The following ISM1 variants were observed in gnomAD, a reference collection of about 807,000 sequenced individuals.
The protein encoded by ISM1 is isthmin 1.
ISM1 carries 25 observed loss-of-function variants against 46.3 expected under a neutral mutation model. The observed-to-expected ratio is 0.54, with a 90% confidence interval of 0.39 to 0.75. The LOEUF is 0.75. Ranked by LOEUF, ISM1 falls within the 30% of genes least tolerant of loss-of-function variation. ISM1 has a pLI of 0.00. For synonymous variants in ISM1, 255 were observed against 256.7 expected (o/e 0.99, Z 0.06); for missense variants, 536 against 625.4 (o/e 0.86, Z 1.52).
chr20:13,253,856 C>G (rs1009115217), intron 1 of ISM1, among the ~76,000 whole-genome samples: 2 of 142,936 alleles, frequency 1.4e-5, no homozygotes, highest in Non-Finnish European at 3.0e-5. Context: ...CATACACATC[C>G]ATATCCATAT....
At chr20:13,231,674 A>G (rs1426202435) in intron 1 of ISM1, among the ~76,000 whole-genome samples, 1 of 152,156 alleles carries the variant, frequency 6.6e-6, no homozygotes, top group Non-Finnish European at 1.5e-5. Flanking sequence ...AGTAAACCCA[A>G]TCATCTTGCA....
At chr20:13,315,969 C>T in the ISM1 span, among the ~76,000 whole-genome samples, 6 of 151,852 alleles carry the variant, frequency 4.0e-5, no homozygotes, top group Non-Finnish European at 1.5e-5. Flanking sequence ...ACACAACTTA[C>T]CAAAATTTGT....
chr20:13,320,060 C>T, the ISM1 span, among the ~76,000 whole-genome samples: 2 of 152,226 alleles, frequency 1.3e-5, no homozygotes, highest in Non-Finnish European at 2.9e-5. Context: ...AAGTCAGAAA[C>T]TGGGGTACAC....
At chr20:13,279,443 C>A (rs2040214073) in intron 2 of ISM1, among the ~76,000 whole-genome samples, 191 bp from the exon 3 acceptor site, 1 of 152,194 alleles carries the variant, frequency 6.6e-6, no homozygotes. Context: ...AAGCCATGTT[C>A]CATCTAGCCG....
the ISM1 span, among the ~76,000 whole-genome samples, chr20:13,317,739 G>C: frequency 1.4e-4 from 21 of 152,072 alleles, no homozygotes; most frequent in African/African-American, 5.1e-4. Context: ...GCATTCACAT[G>C]CAAAACAAAT....
intron 1 of ISM1, among the ~76,000 whole-genome samples, chr20:13,259,901 T>C (rs1473201280): frequency 6.6e-5 from 10 of 152,222 alleles, no homozygotes; most frequent in Non-Finnish European, 1.5e-4. Context: ...AAAGTTGTCT[T>C]AACAAGCCAT....
At chr20:13,292,278 G>A in intron 4 of ISM1, 96 bp from the exon 5 acceptor site, 1 of 743,986 alleles carries the variant, frequency 1.3e-6, no homozygotes, top group Non-Finnish European at 2.3e-6. Flanking sequence ...ATACAAAAAA[G>A]GCTTTGTTCA....
chr20:13,288,641 A>C lies in ISM1; in HGVS notation c.745A>C (p.Thr249Pro), dbSNP rs1162301285. The C allele has an allele frequency of 1.9e-6, 3 of 1,613,926 alleles. No homozygotes were observed. The highest frequency in any genetic ancestry group is 1.7e-6 in the Non-Finnish European group (2 of 1,179,896). ...GACCCGGTCTTGTGGCTACGCGTGC[A>C]CTGCAACAGAATCGAGGACCTGTGA... ...KRTRSCGYAC[T>P]ATESRTCDRP... The change falls in exon 4 of 6, where the codon ACT becomes CCT. Residue 249 changes from threonine to proline, a missense_variant. Thr to Pro is a conservative substitution (Grantham distance 38). Transcript: ENST00000262487.
intron 1 of ISM1, 63 bp from the exon 2 acceptor site, chr20:13,270,441 T>TA: frequency 6.5e-7 from 1 of 1,539,604 alleles, no homozygotes; most frequent in Non-Finnish European, 8.8e-7. Flanking sequence ...AATGGACTGT[T>TA]AAGGGTGACA....
intron 5 of ISM1, among the ~76,000 whole-genome samples, chr20:13,296,911 G>A (rs919347998): frequency 4.0e-5 from 6 of 151,852 alleles, no homozygotes; most frequent in South Asian, 2.1e-4. Flanking sequence ...CCAGCTACTC[G>A]GGAGACTGAG....
chr20:13,261,878 A>T (rs1461444226), intron 1 of ISM1, among the ~76,000 whole-genome samples: 3 of 152,152 alleles, frequency 2.0e-5, no homozygotes, highest in Non-Finnish European at 4.4e-5. Context: ...CTTAATTTCC[A>T]GGTTCTCCCT....
At chr20:13,228,755 C>G (rs2039556740) in intron 1 of ISM1, among the ~76,000 whole-genome samples, 1 of 152,104 alleles carries the variant, frequency 6.6e-6, no homozygotes, top group Admixed American at 6.5e-5. Context: ...TACTCTTTTT[C>G]TGGAACTCCT....
chr20:13,270,623 C>T lies in ISM1; in HGVS notation c.258C>T (p.Phe86=). ...AAHQPFPRPR[F]RQETGHPSLQ... ...ACCAACCCTTCCCCAGACCGCGATT[C>T]CGACAAGAGACGGGGCACCCTTCAT... Residue 86 remains phenylalanine, a synonymous_variant, in exon 2 of 6, where the codon TTC becomes TTT. Coordinates refer to ENST00000262487, the MANE Select transcript of ISM1 (RefSeq NM_080826.2). 1 of 1,614,006 alleles carries T rather than the reference C, an allele frequency of 6.2e-7. No homozygotes were observed. Among genetic ancestry groups the T allele is most frequent in the Non-Finnish European group, 8.5e-7 (1 of 1,179,890 alleles).
chr20:13,224,300 C>T (rs1040805766), intron 1 of ISM1, among the ~76,000 whole-genome samples: 1 of 152,060 alleles, frequency 6.6e-6, no homozygotes, highest in African/African-American at 2.4e-5. Context: ...TTTCTTTGGC[C>T]CTCTGACTCT....
chr20:13,285,113 C>T (rs1420788373), intron 3 of ISM1, among the ~76,000 whole-genome samples: 1 of 152,082 alleles, frequency 6.6e-6, no homozygotes, highest in African/African-American at 2.4e-5. Context: ...ATAGTGAAAC[C>T]TCATCTCTAT....
intron 5 of ISM1, among the ~76,000 whole-genome samples, chr20:13,294,351 G>A (rs1459975026): frequency 2.6e-5 from 4 of 152,124 alleles, no homozygotes; most frequent in Admixed American, 2.0e-4. Flanking sequence ...AACAGGAACC[G>A]TCTGCAAATA....
intron 1 of ISM1, among the ~76,000 whole-genome samples, chr20:13,264,374 C>G (rs2040021037): frequency 2.0e-5 from 3 of 152,178 alleles, no homozygotes; most frequent in Non-Finnish European, 4.4e-5. Flanking sequence ...TCTTCAGATT[C>G]CAGTCCTTGG....
At chr20:13,243,376 C>T (rs550786599) in intron 1 of ISM1, among the ~76,000 whole-genome samples, 59 of 152,242 alleles carry the variant, frequency 3.9e-4, no homozygotes, top group African/African-American at 1.4e-3. Context: ...TCCTTTGATG[C>T]GGGATGACTT....
intron 1 of ISM1, among the ~76,000 whole-genome samples, chr20:13,226,275 T>C (rs559558351): frequency 3.9e-5 from 6 of 152,210 alleles, no homozygotes; most frequent in South Asian, 2.1e-4. Flanking sequence ...GATTTAGGAG[T>C]TCATCCAAGC....
Sources: gnomAD v4.1 joint callset for allele counts (sites outside exome capture counted in the v4.1 genomes callset) on GRCh38, gnomAD v4.1.1 for gene constraint, MANE v1.5 for transcripts, NCBI Gene and HGNC (gene_info 2026-07-23, HGNC 2026-07-21) for gene names.